STARD3NL: variants seen among roughly 807,000 people sequenced by gnomAD.
STARD3NL encodes the protein STARD3 N-terminal-like protein.
STARD3NL carries 17 observed loss-of-function variants against 30.9 expected under a neutral mutation model. The ratio of observed to expected loss-of-function variants is 0.55; its 90% confidence interval spans 0.38 to 0.82. The LOEUF (loss-of-function observed/expected upper bound fraction) is 0.82. Among genes scored for constraint, STARD3NL ranks in the 40% least tolerant of loss-of-function variants. The pLI, the probability that STARD3NL is intolerant of heterozygous loss-of-function variation, is 0.00. For synonymous variants in STARD3NL, 112 were observed against 100.5 expected (o/e 1.11, Z -0.69); for missense variants, 234 against 277.6 (o/e 0.84, Z 1.12).
At position 38,214,342 on chromosome 7, in the gene STARD3NL, T is replaced by C. The variant is rs1272585007; in HGVS notation, c.226-15T>C. The C allele has an allele frequency of 3.2e-6, 5 of 1,569,860 alleles. No individual in the cohort carries two copies. Among genetic ancestry groups the C allele is most frequent in the Non-Finnish European group, 4.4e-6 (5 of 1,147,096 alleles). On this transcript the variant is annotated splice_polypyrimidine_tract_variant and intron_variant, in intron 2 of 8. Coordinates refer to ENST00000009041, the MANE Select transcript of STARD3NL (RefSeq NM_032016.4). ...TAAACCTCTCCTTGTTTTTGCTTCTTACTCTCCTTTCTAGGTGAATGGAGG... is the reference window on the plus strand; with the variant it reads ...TAAACCTCTCCTTGTTTTTGCTTCTCACTCTCCTTTCTAGGTGAATGGAGG...
intron 7 of STARD3NL, among the ~76,000 whole-genome samples, chr7:38,226,584 T>C (rs1283720899): frequency 1.3e-5 from 2 of 152,210 alleles, no homozygotes; most frequent in East Asian, 3.8e-4. Flanking sequence ...TTCTGCTAAG[T>C]CCTTTCCTGC....
At chr7:38,222,902 T>C (rs1310015347) in intron 7 of STARD3NL, among the ~76,000 whole-genome samples, 1 of 152,076 alleles carries the variant, frequency 6.6e-6, no homozygotes, top group Admixed American at 6.5e-5. Context: ...GGAATTAATA[T>C]GCCTAGAAAA....
chr7:38,180,133 C>G (rs991449360), intron 1 of STARD3NL, among the ~76,000 whole-genome samples: 2 of 152,216 alleles, frequency 1.3e-5, no homozygotes, highest in Non-Finnish European at 2.9e-5. Context: ...TAGTGATACT[C>G]ATAAACTCTA....
At chr7:38,218,601 A>C (rs1786261108) in intron 6 of STARD3NL, among the ~76,000 whole-genome samples, 1 of 152,264 alleles carries the variant, frequency 6.6e-6, no homozygotes, top group Non-Finnish European at 1.5e-5. Context: ...CAGAACACAC[A>C]ATTAATGAAA....
At chr7:38,212,171 T>C (rs982857485) in intron 2 of STARD3NL, among the ~76,000 whole-genome samples, 12 of 152,196 alleles carry the variant, frequency 7.9e-5, no homozygotes, top group African/African-American at 2.9e-4. Flanking sequence ...TGGCAGGCCA[T>C]GCTTTTAGAA....
rs1425877796 is a variant in STARD3NL, at chr7:38,207,483, G to C, written c.-22G>C. 3 of 1,607,394 alleles carry C rather than the reference G, an allele frequency of 1.9e-6. No homozygotes were observed. The highest frequency in any genetic ancestry group is 2.6e-6 in the Non-Finnish European group (3 of 1,175,482). ...TTAGGGATGGTGAGGTTGGAAAAAGGCTCCTGTAACCCTCCTCCAGGATGA... is the reference window on the plus strand; with the variant it reads ...TTAGGGATGGTGAGGTTGGAAAAAGCCTCCTGTAACCCTCCTCCAGGATGA... On this transcript the variant is annotated 5_prime_UTR_variant, in exon 2 of 9. Transcript: ENST00000009041.
chr7:38,203,740 C>T (rs945964039), intron 1 of STARD3NL, among the ~76,000 whole-genome samples: 6 of 152,046 alleles, frequency 3.9e-5, no homozygotes, highest in East Asian at 1.9e-4. Context: ...ACCCGTCTCA[C>T]GTGCAGAGAC....
intron 1 of STARD3NL, among the ~76,000 whole-genome samples, chr7:38,179,520 G>C (rs1406618451): frequency 3.3e-5 from 5 of 152,188 alleles, no homozygotes; most frequent in Non-Finnish European, 5.9e-5. Flanking sequence ...TATGTTCACA[G>C]AAGGATGGTG....
At chr7:38,190,970 G>C (rs1316790693) in intron 1 of STARD3NL, among the ~76,000 whole-genome samples, 1 of 152,176 alleles carries the variant, frequency 6.6e-6, no homozygotes, top group Non-Finnish European at 1.5e-5. Context: ...GGTAATGCCA[G>C]CTTGCTCCAG....
At chr7:38,206,730 A>G (rs1358089585) in intron 1 of STARD3NL, among the ~76,000 whole-genome samples, 5 of 152,104 alleles carry the variant, frequency 3.3e-5, no homozygotes, top group Admixed American at 3.3e-4. Context: ...GGTACTTTTG[A>G]TGGAAAGAAA....
chr7:38,200,940 TGA>T (rs1785145873), intron 1 of STARD3NL, among the ~76,000 whole-genome samples: 1 of 152,218 alleles, frequency 6.6e-6, no homozygotes, highest in Admixed American at 6.5e-5. Flanking sequence ...GTTTCTAACA[TGA>T]GTCCCTCAAA....
chr7:38,184,892 G>C lies in STARD3NL; in HGVS notation c.-59+6472G>C, dbSNP rs117669951. 1.9e-3 allele frequency among the ~76,000 whole-genome samples: 288 copies of C among 149,530 alleles called. 5 individuals are homozygous for C. The East Asian group carries it at 0.05, about 26-fold the overall frequency. Reference sequence around the variant, plus strand: ...CATAATTTTCTTTATTGCTTGTTTTGTTGCATTATTTGAGAGCAAGTTTTT... The same window carrying C: ...CATAATTTTCTTTATTGCTTGTTTTCTTGCATTATTTGAGAGCAAGTTTTT... On this transcript the variant is annotated intron_variant, in intron 1 of 8. Coordinates refer to ENST00000009041, the MANE Select transcript of STARD3NL (RefSeq NM_032016.4).
chr7:38,215,135 T>A, intron 4 of STARD3NL, 30 bp downstream of exon 4: 5 of 1,606,352 alleles, frequency 3.1e-6, no homozygotes, highest in Non-Finnish European at 2.6e-6. Flanking sequence ...GTGGGTCATC[T>A]CCTCCAGTGC....
At chr7:38,211,174 C>T (rs1785777383) in intron 2 of STARD3NL, among the ~76,000 whole-genome samples, 1 of 152,172 alleles carries the variant, frequency 6.6e-6, no homozygotes, top group Non-Finnish European at 1.5e-5. Context: ...ACTTATTACC[C>T]TGCTAATTCT....
chr7:38,210,064 G>T (rs753770167), intron 2 of STARD3NL, among the ~76,000 whole-genome samples: 3 of 152,146 alleles, frequency 2.0e-5, no homozygotes, highest in Non-Finnish European at 4.4e-5. Context: ...TGAATTGTCA[G>T]TCTTGACCTG....
At chr7:38,190,532 T>TA (rs758894660) in intron 1 of STARD3NL, among the ~76,000 whole-genome samples, 34 of 152,340 alleles carry the variant, frequency 2.2e-4, no homozygotes, top group East Asian at 5.8e-4. Flanking sequence ...CTTATGCCCT[T>TA]ACGTTTTTCC....
chr7:38,219,140 G>A (rs1252239964), intron 6 of STARD3NL, among the ~76,000 whole-genome samples: 3 of 152,170 alleles, frequency 2.0e-5, no homozygotes, highest in Non-Finnish European at 2.9e-5. Flanking sequence ...TTGGCTTACT[G>A]GGCTCAAGCA....
At chr7:38,209,932 A>G (rs936011700) in intron 2 of STARD3NL, among the ~76,000 whole-genome samples, 4 of 152,180 alleles carry the variant, frequency 2.6e-5, no homozygotes, top group Non-Finnish European at 5.9e-5. Context: ...TTTTCCACCA[A>G]CTACTAGTTT....
intron 1 of STARD3NL, among the ~76,000 whole-genome samples, chr7:38,179,298 T>TA (rs1438853868): frequency 1.3e-5 from 2 of 152,238 alleles, no homozygotes; most frequent in African/African-American, 4.8e-5. Context: ...CAAAACGACT[T>TA]ATGGTATCCT....
Sources: allele counts gnomAD v4.1 joint callset (sites outside exome capture counted in the v4.1 genomes callset), GRCh38; gene constraint gnomAD v4.1.1; transcripts MANE v1.5; gene names NCBI Gene and HGNC (gene_info 2026-07-23, HGNC 2026-07-21).